OPCML: variants seen among roughly 807,000 people sequenced by gnomAD.
OPCML encodes opioid binding protein/cell adhesion molecule like, also known as opioid-binding protein/cell adhesion molecule.
Under a neutral mutation model 37.8 loss-of-function variants are expected in OPCML, and 13 were observed. That is an observed-to-expected ratio of 0.34 (90% CI 0.22 to 0.55). The LOEUF is 0.55. OPCML is among the 20% of genes least tolerant of loss of function. The pLI, the probability that OPCML is intolerant of heterozygous loss-of-function variation, is 0.91. For synonymous variants in OPCML, 176 were observed against 168.8 expected (o/e 1.04, Z -0.33); for missense variants, 341 against 435.6 (o/e 0.78, Z 1.93).
At chr11:133,050,124 CCTT>C (rs1265940299) in intron 1 of OPCML, among the ~76,000 whole-genome samples, 1 of 152,184 alleles carries the variant, frequency 6.6e-6, no homozygotes, top group Non-Finnish European at 1.5e-5. Flanking sequence ...GCACAGCTCT[CCTT>C]CTTCCAATCC....
At chr11:133,484,112 TGATA>T (rs147505299) in intron 1 of OPCML, among the ~76,000 whole-genome samples, 3,537 of 115,184 alleles carry the variant, frequency 0.031, 147 homozygotes, top group African/African-American at 0.13. Context: ...ATTAGATAGA[TGATA>T]GATAGATGAT....
intron 1 of OPCML, among the ~76,000 whole-genome samples, chr11:133,497,384 A>G (rs1270892113): frequency 1.3e-5 from 2 of 152,068 alleles, no homozygotes; most frequent in South Asian, 2.1e-4. Context: ...TCTTTAAGCT[A>G]TCTATTTCCT....
intron 1 of OPCML, among the ~76,000 whole-genome samples, chr11:133,458,156 A>ATATATATATACATATACATATATGTG (rs1946717089): frequency 6.7e-6 from 1 of 150,050 alleles, no homozygotes; most frequent in Non-Finnish European, 1.5e-5. Context: ...GAGAAAAAAT[A>ATATATATATACATATACATATATGTG]TATATATACA....
chr11:133,398,378 C>G (rs571516605), intron 1 of OPCML, among the ~76,000 whole-genome samples: 2 of 152,300 alleles, frequency 1.3e-5, no homozygotes, highest in East Asian at 3.9e-4. Context: ...CTCAAGGCAT[C>G]ACTACACTGT....
In OPCML at chr11:133,181,194, T is replaced by C. The variant is rs1416844595; in HGVS notation, c.62-238184A>G. On this transcript the variant is annotated intron_variant, in intron 1 of 7. Coordinates refer to ENST00000524381, the MANE Select transcript of OPCML (RefSeq NM_001012393.5). ...GTGTGTTTGTGAACACACGGGTCAT[T>C]GTGGTGTTAAACTCAGGAACCTACA... Among the ~76,000 whole-genome samples the C allele has an allele frequency of 2.0e-5, 3 of 152,048 alleles. No homozygotes were observed. In the South Asian group the frequency reaches 6.2e-4, roughly 32 times the overall value.
chr11:132,973,301 C>A (rs1050707819), intron 1 of OPCML, among the ~76,000 whole-genome samples: 3 of 152,200 alleles, frequency 2.0e-5, no homozygotes, highest in African/African-American at 7.2e-5. Context: ...TCCAAAATCA[C>A]TTATTCAGAC....
intron 3 of OPCML, among the ~76,000 whole-genome samples, chr11:132,538,081 G>A (rs2096345715): frequency 1.3e-5 from 2 of 152,098 alleles, no homozygotes; most frequent in Non-Finnish European, 2.9e-5. Context: ...AGAAATGAAG[G>A]CATATACCCA....
intron 1 of OPCML, among the ~76,000 whole-genome samples, chr11:133,076,747 A>G (rs1948627303): frequency 6.6e-6 from 1 of 152,076 alleles, no homozygotes; most frequent in Non-Finnish European, 1.5e-5. Flanking sequence ...GCGGAAGCTC[A>G]GAGAAGCTAA....
chr11:133,044,918 T>A (rs1947978921), intron 1 of OPCML, among the ~76,000 whole-genome samples: 1 of 152,166 alleles, frequency 6.6e-6, no homozygotes, highest in African/African-American at 2.4e-5. Flanking sequence ...ATGAGGACAC[T>A]AAAGACCAGC....
At chr11:132,539,242 A>G (rs372806420) in intron 3 of OPCML, among the ~76,000 whole-genome samples, 147 of 152,278 alleles carry the variant, frequency 9.7e-4, no homozygotes, top group African/African-American at 3.4e-3. Context: ...ATGATAGCCC[A>G]TACTAGGGAT....
chr11:133,242,523 C>T (rs1940769050), intron 1 of OPCML, among the ~76,000 whole-genome samples: 1 of 152,178 alleles, frequency 6.6e-6, no homozygotes, highest in Non-Finnish European at 1.5e-5. Context: ...ATGGAGAATG[C>T]TATGTCCTCA....
At chr11:133,284,912 T>C (rs1942256783) in intron 1 of OPCML, among the ~76,000 whole-genome samples, 1 of 152,048 alleles carries the variant, frequency 6.6e-6, no homozygotes, top group African/African-American at 2.4e-5. Context: ...TGGAAAAAGG[T>C]AGACATGGTT....
Position 132,680,853 on chromosome 11 carries a change from CA to C in OPCML, c.147-23535del, listed in dbSNP as rs1312314219. 3.3e-5 allele frequency among the ~76,000 whole-genome samples: 5 copies of C among 152,178 alleles called. No individual in the cohort carries two copies. The East Asian group carries it at 9.6e-4, about 29-fold the overall frequency. ...AAGCCGCTCCTGCATGTGAAGAATT[CA>C]GCAGCAGAAGACGCCTGTTGCCCTC... On this transcript the variant is annotated intron_variant, in intron 2 of 7. Transcript: ENST00000524381.
intron 1 of OPCML, among the ~76,000 whole-genome samples, chr11:133,462,856 A>T (rs112231747): frequency 4.9e-4 from 75 of 152,214 alleles, no homozygotes; most frequent in African/African-American, 1.7e-3. Context: ...AACTAAGAGC[A>T]AGAAAATGAA....
intron 2 of OPCML, among the ~76,000 whole-genome samples, chr11:132,919,563 G>A (rs775256272): frequency 2.4e-4 from 36 of 152,310 alleles, no homozygotes; most frequent in Non-Finnish European, 3.7e-4. Flanking sequence ...GCGATTGGCT[G>A]CAGCTCCCAA....
At chr11:133,503,407 T>C (rs1947959041) in intron 1 of OPCML, among the ~76,000 whole-genome samples, 1 of 152,194 alleles carries the variant, frequency 6.6e-6, no homozygotes, top group South Asian at 2.1e-4. Flanking sequence ...CTCTGTGTTG[T>C]GGCCACAGCT....
chr11:132,467,334 C>T (rs1011931095), intron 4 of OPCML, among the ~76,000 whole-genome samples: 3 of 152,188 alleles, frequency 2.0e-5, no homozygotes, highest in African/African-American at 7.2e-5. Context: ...CTTTTTCAAT[C>T]CTCCCTCCTC....
intron 1 of OPCML, among the ~76,000 whole-genome samples, chr11:133,018,288 A>C (rs915994651): frequency 1.3e-5 from 2 of 152,226 alleles, no homozygotes; most frequent in African/African-American, 4.8e-5. Flanking sequence ...GGGGCCAAAA[A>C]TGGATGCAGA....
At chr11:133,107,214 AC>A (rs1467223468) in intron 1 of OPCML, among the ~76,000 whole-genome samples, 1 of 152,096 alleles carries the variant, frequency 6.6e-6, no homozygotes, top group Non-Finnish European at 1.5e-5. Flanking sequence ...ATTTAGACAA[AC>A]TCTGAGGTAT....
Sources: gnomAD v4.1 joint callset for allele counts (sites outside exome capture counted in the v4.1 genomes callset) on GRCh38, gnomAD v4.1.1 for gene constraint, MANE v1.5 for transcripts, NCBI Gene and HGNC (gene_info 2026-07-23, HGNC 2026-07-21) for gene names.